SLC22A24: variants seen among roughly 807,000 people sequenced by gnomAD.
The protein encoded by SLC22A24 is steroid transmembrane transporter SLC22A24.
Under a neutral mutation model 49.8 loss-of-function variants are expected in SLC22A24, and 53 were observed. That is an observed-to-expected ratio of 1.06 (90% confidence interval 0.85 to 1.34). The LOEUF is 1.34. SLC22A24 is among the 40% of genes most tolerant of loss of function. SLC22A24 has a pLI of 0.00. For missense variants in SLC22A24, 786 were observed against 675.9 expected (o/e 1.16, Z -1.81); for synonymous variants, 302 against 256.4 (o/e 1.18, Z -1.70).
At chr11:63,119,793 G>C (rs2087238461) in intron 2 of SLC22A24, among the ~76,000 whole-genome samples, 1 of 152,092 alleles carries the variant, frequency 6.6e-6, no homozygotes, top group African/African-American at 2.4e-5. Flanking sequence ...ATAAATCAAA[G>C]TTGCAGATAG....
intron 2 of SLC22A24, among the ~76,000 whole-genome samples, chr11:63,123,290 A>G: frequency 6.6e-6 from 1 of 152,186 alleles, no homozygotes; most frequent in East Asian, 1.9e-4. Flanking sequence ...AACTTAATTA[A>G]TAAGGTAAGA....
intron 4 of SLC22A24, among the ~76,000 whole-genome samples, chr11:63,115,412 C>A (rs963739132): frequency 3.5e-4 from 54 of 152,214 alleles, no homozygotes; most frequent in Admixed American, 2.4e-3. Context: ...GTTGCTAAGA[C>A]CTTGGGAAAA....
chr11:63,104,078 A>G (rs978074480), intron 5 of SLC22A24, 97 bp downstream of exon 5: 10 of 1,276,748 alleles, frequency 7.8e-6, no homozygotes, highest in Non-Finnish European at 1.1e-5. Context: ...CTCCACTCAC[A>G]GAAGTCTAAT....
rs189109757 is a variant in SLC22A24, at chr11:63,101,101, G to C, written c.954+3074C>G. ...GCACAGTAAAAGATATAATCAACAA[G>C]GTAAAGAGACAGCCTGCAGAATGGG... On this transcript the variant is annotated intron_variant, in intron 5 of 9. Transcript: ENST00000612278. Among the ~76,000 whole-genome samples, 12 of 152,030 alleles carry C rather than the reference G, an allele frequency of 7.9e-5. No homozygotes were observed. In the East Asian group the frequency reaches 2.3e-3, roughly 29 times the overall value.
At chr11:63,102,656 G>A (rs2087098332) in intron 5 of SLC22A24, among the ~76,000 whole-genome samples, 1 of 152,254 alleles carries the variant, frequency 6.6e-6, no homozygotes, top group Non-Finnish European at 1.5e-5. Flanking sequence ...CTGGTGAAAA[G>A]CTGAATAAGA....
intron 6 of SLC22A24, among the ~76,000 whole-genome samples, chr11:63,088,297 A>T (rs2086999333): frequency 2.0e-5 from 3 of 152,090 alleles, no homozygotes; most frequent in Admixed American, 6.5e-5. Flanking sequence ...TCTGGAGTGG[A>T]CCTCAAACAA....
At chr11:63,125,585 A>C (rs567678285) in intron 2 of SLC22A24, among the ~76,000 whole-genome samples, 151 of 152,186 alleles carry the variant, frequency 9.9e-4, no homozygotes, top group African/African-American at 3.3e-3. Flanking sequence ...GGTTCCAAGT[A>C]TTTGCTATTG....
chr11:63,096,172 G>T, intron 5 of SLC22A24, 66 bp from the exon 6 acceptor site: 1 of 1,030,608 alleles, frequency 9.7e-7, no homozygotes, highest in Non-Finnish European at 1.5e-6. Context: ...ATAGTGGTAA[G>T]TACTAGAGAA....
At chr11:63,090,663 C>CAATAAATAAATAAATAAATA (rs58585722) in intron 6 of SLC22A24, among the ~76,000 whole-genome samples, 1,533 of 137,996 alleles carry the variant, frequency 0.011, 16 homozygotes, top group African/African-American at 0.019. Flanking sequence ...ACTTAAAGTA[C>CAATAAATAAATAAATAAATA]AATAAATAAA....
Position 63,119,255 on chromosome 11 carries a change from A to G in SLC22A24, c.587T>C (p.Phe196Ser), listed in dbSNP as rs746006880. The G allele has an allele frequency of 1.9e-6, 3 of 1,551,536 alleles. No homozygotes were observed. Among genetic ancestry groups the G allele is most frequent in the South Asian group, 2.4e-5 (2 of 84,004 alleles). ...GAAGCGCAGTATGCAGTAAACAAGG[A>G]AGGTGGGAGCGAAGGCCGCACAGGT... is the stretch of plus-strand genomic sequence containing the variant. ...SNTCAAFAPT[F>S]LVYCILRFLA... The change falls in exon 3 of 10, where the codon TTC becomes TCC. Residue 196 changes from phenylalanine (F) to serine (S), a missense_variant. Transcript: ENST00000612278.
rs1449049977 is a variant in SLC22A24 at position 63,095,991 on chromosome 11, C to T, written c.1070G>A (p.Arg357Lys). ...TGAATCATCACCAAATGGAACTTAC[C>T]TCACAAAGCACAGGCCGAAGACTCT... The part of the protein sequence containing the change: ...RMRVFGLCFV[R>K]FAITVPFYGL... Residue 357 changes from arginine (R) to lysine (K), a missense_variant and splice_region_variant, in exon 6 of 10, where the codon AGA becomes AAA. Transcript: ENST00000612278. 2 of 1,545,372 alleles carry T rather than the reference C, an allele frequency of 1.3e-6. No individual in the cohort carries two copies. The highest frequency in any genetic ancestry group is 1.8e-6 in the Non-Finnish European group (2 of 1,142,048).
chr11:63,082,620 A>G (rs1459379681), intron 7 of SLC22A24, among the ~76,000 whole-genome samples: 1 of 152,256 alleles, frequency 6.6e-6, no homozygotes, highest in East Asian at 1.9e-4. Context: ...TTAGGGGTAG[A>G]TTATAAAACA....
chr11:63,104,312 A>G lies in SLC22A24; in HGVS notation c.831-14T>C. The G allele has an allele frequency of 6.5e-7, 1 of 1,545,530 alleles. No individual in the cohort carries two copies. Among genetic ancestry groups the G allele is most frequent in the Non-Finnish European group, 8.7e-7 (1 of 1,145,638 alleles). ...TCCACCATCTTCCTGATGAAAGAAG[A>G]CAACATAGGTATAGTAAACAATTAC... is the stretch of plus-strand genomic sequence containing the variant. On this transcript the variant is annotated splice_polypyrimidine_tract_variant and intron_variant, in intron 4 of 9. Transcript: ENST00000612278.
chr11:63,105,759 C>G (rs1372065665), intron 4 of SLC22A24, among the ~76,000 whole-genome samples: 1 of 151,982 alleles, frequency 6.6e-6, no homozygotes, highest in Admixed American at 6.6e-5. Context: ...GAGACATTTT[C>G]CTCATTTTCT....
chr11:63,108,726 G>A (rs1273071305), intron 4 of SLC22A24, among the ~76,000 whole-genome samples: 1 of 151,228 alleles, frequency 6.6e-6, no homozygotes, highest in Admixed American at 6.6e-5. Flanking sequence ...GCATAGAGGT[G>A]TTTATAGTAT....
chr11:63,101,441 GTTAA>G (rs1041732552), intron 5 of SLC22A24, among the ~76,000 whole-genome samples: 18 of 151,884 alleles, frequency 1.2e-4, no homozygotes, highest in East Asian at 1.9e-4. Context: ...CTAGGTAAGT[GTTAA>G]TTAAATTAAT....
intron 6 of SLC22A24, among the ~76,000 whole-genome samples, chr11:63,090,362 T>C (rs2087012706): frequency 6.6e-6 from 1 of 152,044 alleles, no homozygotes; most frequent in African/African-American, 2.4e-5. Flanking sequence ...CAAGCAGACC[T>C]AATAGACATC....
chr11:63,099,011 GA>G (rs1565326797), intron 5 of SLC22A24, among the ~76,000 whole-genome samples: 1 of 151,862 alleles, frequency 6.6e-6, no homozygotes, highest in Non-Finnish European at 1.5e-5. Flanking sequence ...ATAAAAGCTA[GA>G]AAAAAATGAA....
chr11:63,108,782 C>T (rs1565329945), intron 4 of SLC22A24, among the ~76,000 whole-genome samples: 2 of 149,924 alleles, frequency 1.3e-5, no homozygotes, highest in Non-Finnish European at 3.0e-5. Flanking sequence ...GGTGATATCC[C>T]CTTTATCATT....
Sources: gnomAD v4.1 joint callset for allele counts (sites outside exome capture counted in the v4.1 genomes callset) on GRCh38, gnomAD v4.1.1 for gene constraint, MANE v1.5 for transcripts, NCBI Gene and HGNC (gene_info 2026-07-23, HGNC 2026-07-21) for gene names.